CDH4: variants seen among roughly 807,000 people sequenced by gnomAD.
The protein encoded by CDH4 is cadherin 4.
Under a neutral mutation model 86.0 loss-of-function variants are expected in CDH4, and 33 were observed. The ratio of observed to expected loss-of-function variants is 0.38; its 90% confidence interval spans 0.29 to 0.51. The LOEUF (loss-of-function observed/expected upper bound fraction) is 0.51, where lower values mean the gene tolerates loss of function less well. Among genes scored for constraint, CDH4 ranks in the 20% least tolerant of loss-of-function variants. The pLI is 0.86. For missense variants in CDH4, 1,114 were observed against 1,307.4 expected (o/e 0.85, Z 2.28); for synonymous variants, 555 against 549.4 (o/e 1.01, Z -0.14).
At chr20:61,584,576 A>G (rs2086455689) in intron 2 of CDH4, among the ~76,000 whole-genome samples, 1 of 152,220 alleles carries the variant, frequency 6.6e-6, no homozygotes, top group African/African-American at 2.4e-5. Context: ...GTACCTGGCC[A>G]CAGCCTTGGA....
intron 6 of CDH4, among the ~76,000 whole-genome samples, chr20:61,854,585 A>C (rs1982900789): frequency 6.8e-6 from 1 of 146,862 alleles, no homozygotes; most frequent in African/African-American, 2.6e-5. Context: ...AACAGGGTGA[A>C]TTGTGCCCTT....
At chr20:61,630,331 C>T (rs1000504569) in intron 2 of CDH4, among the ~76,000 whole-genome samples, 14 of 152,292 alleles carry the variant, frequency 9.2e-5, no homozygotes, top group South Asian at 2.1e-4. Context: ...CCTGGGCGCC[C>T]GCTCACACCA....
chr20:61,648,329 G>C (rs1001337491), intron 2 of CDH4, among the ~76,000 whole-genome samples: 1 of 152,218 alleles, frequency 6.6e-6, no homozygotes, highest in African/African-American at 2.4e-5. Flanking sequence ...GTGATTATCA[G>C]AGCCTGCTTG....
At chr20:61,384,308 A>T (rs980525493) in intron 2 of CDH4, among the ~76,000 whole-genome samples, 1 of 152,188 alleles carries the variant, frequency 6.6e-6, no homozygotes, top group East Asian at 1.9e-4. Flanking sequence ...ACCAGGAGGA[A>T]CCATGAGTGT....
chr20:61,595,501 C>T (rs938251806), intron 2 of CDH4, among the ~76,000 whole-genome samples: 3 of 152,234 alleles, frequency 2.0e-5, no homozygotes, highest in Non-Finnish European at 2.9e-5. Context: ...AACCCTGCGT[C>T]GTGTGGGAAC....
chr20:61,817,857 G>A (rs987643607), intron 4 of CDH4, among the ~76,000 whole-genome samples: 16 of 152,208 alleles, frequency 1.1e-4, no homozygotes, highest in Non-Finnish European at 5.9e-5. Context: ...TCTCCCAGGA[G>A]GCCATAGGGA....
chr20:61,727,129 A>G (rs2088124049), intron 2 of CDH4, among the ~76,000 whole-genome samples: 1 of 151,954 alleles, frequency 6.6e-6, no homozygotes. Flanking sequence ...CATCATCATC[A>G]CCATCAGAGC....
intron 2 of CDH4, among the ~76,000 whole-genome samples, chr20:61,608,142 C>A (rs1383829681): frequency 6.6e-6 from 1 of 152,162 alleles, no homozygotes; most frequent in Non-Finnish European, 1.5e-5. Flanking sequence ...GGCTGCAGGA[C>A]AAGGTAAAGC....
At chr20:61,736,006 G>A (rs1191047836) in intron 2 of CDH4, among the ~76,000 whole-genome samples, 2 of 152,136 alleles carry the variant, frequency 1.3e-5, no homozygotes, top group Non-Finnish European at 2.9e-5. Context: ...GGGGTGTCTG[G>A]GTGTGGCTTC....
At chr20:61,920,008 CAG>C (rs2054953088) in intron 9 of CDH4, among the ~76,000 whole-genome samples, 1 of 1,028 alleles carries the variant, frequency 9.7e-4, no homozygotes, top group African/African-American at 3.2e-3. Context: ...TGTGGTGTCA[CAG>C]TGATTGCGTG....
At position 61,856,097 on chromosome 20, in the gene CDH4, A is replaced by G. The variant is rs949427687; in HGVS notation, c.877+3199A>G. Among the ~76,000 whole-genome samples, 4 of 152,090 alleles carry G rather than the reference A, an allele frequency of 2.6e-5. No individual in the cohort carries two copies. The East Asian group carries it at 7.7e-4, about 29-fold the overall frequency. On this transcript the variant is annotated intron_variant, in intron 6 of 15. Transcript: ENST00000614565. ...CCAGGACTTGGAAATCATCTCTACA[A>G]TTTCTTCTCTTCCATCAGTAAATTA...
chr20:61,878,409 C>T (rs942950496), intron 7 of CDH4, among the ~76,000 whole-genome samples: 7 of 152,248 alleles, frequency 4.6e-5, no homozygotes, highest in Admixed American at 1.3e-4. Flanking sequence ...GCCCTCAGGG[C>T]TTCTCGTGAG....
At chr20:61,383,559 T>C (rs1257347925) in intron 2 of CDH4, among the ~76,000 whole-genome samples, 1 of 55,660 alleles carries the variant, frequency 1.8e-5, no homozygotes, top group East Asian at 9.7e-4. Context: ...ATATATGATA[T>C]ATGATATATG....
rs1195362938 is a variant in CDH4, at chr20:61,501,144, C to T, written c.170-242419C>T. Reference sequence around the variant, plus strand: ...TGTTTCTGTAGAGCCCAAAACAGGCCACATCCGCTCCTGCTCTGAGCTACA... The same window carrying T: ...TGTTTCTGTAGAGCCCAAAACAGGCTACATCCGCTCCTGCTCTGAGCTACA... On this transcript the variant is annotated intron_variant, in intron 2 of 15. Coordinates refer to ENST00000614565, the MANE Select transcript of CDH4 (RefSeq NM_001794.5). The surrounding 1 kb of genome is among the most constrained non-coding windows in gnomAD (Gnocchi z 4.2). 6.6e-6 allele frequency among the ~76,000 whole-genome samples: 1 copy of T among 152,114 alleles called. No homozygotes were observed. The highest frequency in any genetic ancestry group is 1.5e-5 in the Non-Finnish European group (1 of 68,022).
chr20:61,724,422 C>T (rs1372901185), intron 2 of CDH4, among the ~76,000 whole-genome samples: 2 of 152,198 alleles, frequency 1.3e-5, no homozygotes, highest in African/African-American at 4.8e-5. Context: ...AATGTGTGAG[C>T]TGAGTACAGT....
At chr20:61,854,373 C>T (rs962071713) in intron 6 of CDH4, among the ~76,000 whole-genome samples, 1 of 151,990 alleles carries the variant, frequency 6.6e-6, no homozygotes, top group South Asian at 2.1e-4. Flanking sequence ...CCTCGGTCCG[C>T]CCCCAGGGCT....
rs571889180 is a variant in CDH4, at chr20:61,518,706, T to C, written c.170-224857T>C. 6.6e-6 allele frequency among the ~76,000 whole-genome samples: 1 copy of C among 151,890 alleles called. No homozygotes were observed. Among genetic ancestry groups the C allele is most frequent in the East Asian group, 1.9e-4 (1 of 5,132 alleles). ...CATCCTTCATCTACCTATCTGTTGT[T>C]CAATCATCCATCCGTTCATCCACCC... is the stretch of plus-strand genomic sequence containing the variant. On this transcript the variant is annotated intron_variant, in intron 2 of 15. Transcript: ENST00000614565. This position sits in a 1 kb window ranked among gnomAD's most constrained non-coding sequence, Gnocchi z 6.3.
chr20:61,580,751 G>A (rs550608277), intron 2 of CDH4, among the ~76,000 whole-genome samples: 6 of 152,276 alleles, frequency 3.9e-5, no homozygotes, highest in South Asian at 2.1e-4. Context: ...GGCGTTGGGC[G>A]CACGAAATGA....
intron 2 of CDH4, among the ~76,000 whole-genome samples, chr20:61,559,859 G>A (rs970626114): frequency 9.2e-5 from 14 of 152,128 alleles, no homozygotes; most frequent in African/African-American, 2.9e-4. Flanking sequence ...TGGCCATGCC[G>A]CTGGCTTCCC....
Sources: allele counts gnomAD v4.1 joint callset (sites outside exome capture counted in the v4.1 genomes callset), GRCh38; gene constraint gnomAD v4.1.1; non-coding constraint Gnocchi (gnomAD v3.1); transcripts MANE v1.5; gene names NCBI Gene and HGNC (gene_info 2026-07-23, HGNC 2026-07-21).